Variants in PDE4D observed in about 807,000 individuals in gnomAD.
The protein encoded by PDE4D is 3',5'-cyclic-AMP phosphodiesterase 4D.
PDE4D carries 24 observed loss-of-function variants against 87.4 expected under a neutral mutation model. That is an observed-to-expected ratio of 0.27 (90% CI 0.20 to 0.39). PDE4D has a LOEUF of 0.39. PDE4D is among the 10% of genes least tolerant of loss of function. PDE4D has a pLI of 1.00. For missense variants in PDE4D, 714 were observed against 1,041.0 expected, an observed-to-expected ratio of 0.69 and a Z score of 4.32; for synonymous variants, 384 against 383.2, an observed-to-expected ratio of 1.00 and a Z score of -0.02.
chr5:59,153,686 G>A (rs183715794), intron 5 of PDE4D, among the ~76,000 whole-genome samples: 45 of 152,026 alleles, frequency 3.0e-4, no homozygotes, highest in Non-Finnish European at 5.3e-4. Context: ...GCATGACAGT[G>A]CCCCAGAACC....
chr5:60,287,371 T>C (rs547279376), intron 1 of PDE4D, among the ~76,000 whole-genome samples: 1 of 152,280 alleles, frequency 6.6e-6, no homozygotes, highest in East Asian at 1.9e-4. Flanking sequence ...TATTGCTGTG[T>C]AGGAGAGGCG....
At chr5:59,002,226 G>T (rs1750692294) in intron 6 of PDE4D, among the ~76,000 whole-genome samples, 1 of 152,130 alleles carries the variant, frequency 6.6e-6, no homozygotes. Flanking sequence ...AACAAGAATT[G>T]CAAGTTTAAA....
At chr5:59,492,000 C>G (rs934434982) in intron 1 of PDE4D, among the ~76,000 whole-genome samples, 2 of 152,134 alleles carry the variant, frequency 1.3e-5, no homozygotes, top group African/African-American at 4.8e-5. Context: ...AGCTAAGTCT[C>G]TCTCCTGGAA....
chr5:59,102,671 G>A (rs1321472881), intron 5 of PDE4D, among the ~76,000 whole-genome samples: 2 of 152,082 alleles, frequency 1.3e-5, no homozygotes, highest in African/African-American at 4.8e-5. Context: ...TTCTCAAAGG[G>A]GGTTCCCCAT....
chr5:59,555,648 T>C (rs1818780132), intron 1 of PDE4D, among the ~76,000 whole-genome samples: 1 of 152,166 alleles, frequency 6.6e-6, no homozygotes, highest in Admixed American at 6.6e-5. Context: ...ATCTCCAACT[T>C]GTTGGAAAGC....
At chr5:60,410,267 C>T (rs1321249092) in intron 1 of PDE4D, among the ~76,000 whole-genome samples, 4 of 152,080 alleles carry the variant, frequency 2.6e-5, no homozygotes, top group East Asian at 1.9e-4. Flanking sequence ...TCCTGAAGTG[C>T]GATCAGTGGA....
intron 1 of PDE4D, among the ~76,000 whole-genome samples, chr5:59,661,531 T>C (rs1385033224): frequency 2.6e-5 from 4 of 152,234 alleles, no homozygotes; most frequent in East Asian, 1.9e-4. Context: ...CCCTTCATTA[T>C]TGCATGTTTA....
At chr5:59,606,176 G>C (rs908297644) in intron 1 of PDE4D, among the ~76,000 whole-genome samples, 1 of 151,938 alleles carries the variant, frequency 6.6e-6, no homozygotes, top group Non-Finnish European at 1.5e-5. Context: ...AGATCAACTC[G>C]TATAAATTCT....
Position 59,221,717 on chromosome 5 carries a change from TAAAA to T in PDE4D, c.456-5753_456-5750del, listed in dbSNP as rs370774114. On this transcript the variant is annotated intron_variant, in intron 1 of 14. Transcript: ENST00000340635. ...CAATTCTGAACATAACAGTAGGGTG[TAAAA>T]AAGTCTTTGCTGTAACCCATTTGGC... Among the ~76,000 whole-genome samples, 558 of 152,264 alleles carry T rather than the reference TAAAA, an allele frequency of 3.7e-3. 3 individuals carry two copies. The highest frequency in any genetic ancestry group is 0.013 in the African/African-American group (523 of 41,556).
At chr5:60,083,339 A>G (rs1168238984) in intron 2 of PDE4D, among the ~76,000 whole-genome samples, 2 of 152,242 alleles carry the variant, frequency 1.3e-5, no homozygotes, top group Non-Finnish European at 2.9e-5. Context: ...ACATTTGACA[A>G]GCTATATTGA....
At chr5:60,059,697 T>C (rs1357231616) in intron 2 of PDE4D, among the ~76,000 whole-genome samples, 2 of 151,914 alleles carry the variant, frequency 1.3e-5, no homozygotes, top group Non-Finnish European at 2.9e-5. Context: ...CATGGGGAAC[T>C]GACAATTACA....
At chr5:59,644,925 T>C (rs1361895384) in intron 1 of PDE4D, among the ~76,000 whole-genome samples, 3 of 152,096 alleles carry the variant, frequency 2.0e-5, no homozygotes, top group Admixed American at 2.0e-4. Context: ...AGTCAAAAAA[T>C]TGGAAAACAA....
At chr5:59,704,104 C>A (rs551370757) in intron 1 of PDE4D, among the ~76,000 whole-genome samples, 1 of 152,128 alleles carries the variant, frequency 6.6e-6, no homozygotes, top group South Asian at 2.1e-4. Flanking sequence ...GTAACCCTTA[C>A]AATTATTAGA....
intron 2 of PDE4D, among the ~76,000 whole-genome samples, chr5:59,200,034 C>CATGT (rs1746500883): frequency 1.4e-5 from 2 of 145,888 alleles, no homozygotes; most frequent in Admixed American, 6.8e-5. Flanking sequence ...TACATACATG[C>CATGT]ACACACACGT....
At chr5:59,046,936 A>G (rs1229730029) in intron 5 of PDE4D, among the ~76,000 whole-genome samples, 1 of 152,182 alleles carries the variant, frequency 6.6e-6, no homozygotes, top group Non-Finnish European at 1.5e-5. Context: ...AAAGATTCCA[A>G]TCTCTATTCC....
At chr5:60,442,481 T>A (rs542218508) in intron 1 of PDE4D, among the ~76,000 whole-genome samples, 6 of 152,076 alleles carry the variant, frequency 3.9e-5, no homozygotes, top group South Asian at 4.2e-4. Context: ...AAATACCTAA[T>A]GTAGATGACG....
At chr5:59,102,985 C>T (rs1018977849) in intron 5 of PDE4D, among the ~76,000 whole-genome samples, 1 of 152,162 alleles carries the variant, frequency 6.6e-6, no homozygotes. Flanking sequence ...TCTACAGTTC[C>T]TAGTTTCTGA....
intron 2 of PDE4D, among the ~76,000 whole-genome samples, chr5:60,037,089 T>C (rs1233007357): frequency 1.3e-5 from 2 of 152,168 alleles, no homozygotes; most frequent in Admixed American, 6.5e-5. Context: ...CACATAGGAA[T>C]AGGATACGCA....
chr5:59,633,919 C>A (rs1831900537), intron 1 of PDE4D, among the ~76,000 whole-genome samples: 1 of 152,072 alleles, frequency 6.6e-6, no homozygotes, highest in South Asian at 2.1e-4. Context: ...GAGCTAAATG[C>A]CCCAATTAAA....
Sources: gnomAD v4.1 joint callset for allele counts (sites outside exome capture counted in the v4.1 genomes callset) on GRCh38, gnomAD v4.1.1 for gene constraint, MANE v1.5 for transcripts, NCBI Gene and HGNC (gene_info 2026-07-23, HGNC 2026-07-21) for gene names.